The following RNLS variants were observed in gnomAD, a reference collection of about 807,000 sequenced individuals.
RNLS encodes the protein renalase, FAD dependent amine oxidase, also known as renalase.
A neutral mutation model predicts 39.8 loss-of-function variants in RNLS; 39 were observed. The observed-to-expected ratio is 0.98, with a 90% CI of 0.76 to 1.28. The LOEUF (loss-of-function observed/expected upper bound fraction) is 1.28, where lower values mean the gene tolerates loss of function less well. Among genes scored for constraint, RNLS ranks in the 50% most tolerant of loss-of-function variants. The pLI is 0.00. For synonymous variants in RNLS, 147 were observed against 150.7 expected (o/e 0.98, Z 0.18); for missense variants, 410 against 413.3 (o/e 0.99, Z 0.07).
In RNLS at chr10:88,389,327, T is replaced by C. The variant is rs564647040; in HGVS notation, c.527-26602A>G. The stretch of plus-strand genomic sequence containing the variant: ...CAGAACTGTGCTGGGTTTTTTTTTG[T>C]TATTGTTGTTTTCTTTTTTTGACAG... On this transcript the variant is annotated intron_variant, in intron 4 of 6. Coordinates refer to ENST00000331772, the MANE Select transcript of RNLS (RefSeq NM_001031709.3). Among the ~76,000 whole-genome samples the C allele has an allele frequency of 8.5e-5, 13 of 152,148 alleles. No individual in the cohort carries two copies. The South Asian group carries it at 2.5e-3, about 29-fold the overall frequency.
chr10:88,364,326 G>C (rs1198752187), intron 4 of RNLS, among the ~76,000 whole-genome samples: 1 of 152,112 alleles, frequency 6.6e-6, no homozygotes, highest in Non-Finnish European at 1.5e-5. Context: ...GGTAGAGAGA[G>C]GCAGGAAAGG....
intron 4 of RNLS, among the ~76,000 whole-genome samples, chr10:88,399,725 G>A (rs1852796459): frequency 6.6e-6 from 1 of 151,888 alleles, no homozygotes; most frequent in Non-Finnish European, 1.5e-5. Flanking sequence ...AATACATAAG[G>A]GTGATTTTTA....
chr10:88,306,646 G>A (rs965367462), intron 6 of RNLS, among the ~76,000 whole-genome samples: 1 of 152,114 alleles, frequency 6.6e-6, no homozygotes, highest in Non-Finnish European at 1.5e-5. Context: ...CGGATTTCCT[G>A]AACAGACCAA....
chr10:88,495,150 T>A (rs1329430525), intron 4 of RNLS, among the ~76,000 whole-genome samples: 1 of 152,166 alleles, frequency 6.6e-6, no homozygotes, highest in Non-Finnish European at 1.5e-5. Flanking sequence ...AACATCCCAC[T>A]CTTTTTTTAA....
rs577918665 is a variant in RNLS, at chr10:88,454,213, G to A, written c.527-91488C>T. Among the ~76,000 whole-genome samples the A allele has an allele frequency of 2.0e-5, 3 of 152,298 alleles. No individual in the cohort carries two copies. In the East Asian group the frequency reaches 5.8e-4, roughly 29 times the overall value. ...GGGTAGAAAGAAATTCAAGAAAGAT[G>A]TATTCAACAGAGTCAAATAACAAAT... On this transcript the variant is annotated intron_variant, in intron 4 of 6. Transcript: ENST00000331772.
At chr10:88,423,414 C>T (rs542438606) in intron 4 of RNLS, among the ~76,000 whole-genome samples, 2 of 152,284 alleles carry the variant, frequency 1.3e-5, no homozygotes, top group East Asian at 3.9e-4. Context: ...TCTTTAGAAA[C>T]TAATTTCATG....
At chr10:88,218,659 G>A in the RNLS span, among the ~76,000 whole-genome samples, 1 of 152,162 alleles carries the variant, frequency 6.6e-6, no homozygotes, top group African/African-American at 2.4e-5. Context: ...GATAACCAGT[G>A]TAGGCCCCAG....
chr10:88,416,768 T>A (rs1304623219), intron 4 of RNLS, among the ~76,000 whole-genome samples: 1 of 152,202 alleles, frequency 6.6e-6, no homozygotes, highest in Non-Finnish European at 1.5e-5. Flanking sequence ...GAAAACTGGA[T>A]TAAAAAGGAT....
chr10:88,326,071 TC>T, intron 5 of RNLS, among the ~76,000 whole-genome samples: 1 of 152,324 alleles, frequency 6.6e-6, no homozygotes, highest in South Asian at 2.1e-4. Flanking sequence ...AAACCTCTTT[TC>T]TTTATAAGTT....
At position 88,399,445 on chromosome 10, in the gene RNLS, A is replaced by G. The variant is rs576470019; in HGVS notation, c.527-36720T>C. On this transcript the variant is annotated intron_variant, in intron 4 of 6. Transcript: ENST00000331772. ...CGGTATATCCATACAATGGAATATTATGCAGTCAGAAGAAGCAATGAAGTA... is the reference window on the plus strand; with the variant it reads ...CGGTATATCCATACAATGGAATATTGTGCAGTCAGAAGAAGCAATGAAGTA... Among the ~76,000 whole-genome samples the G allele has an allele frequency of 8.1e-4, 123 of 152,184 alleles. 1 individual carries two copies. Among genetic ancestry groups the G allele is most frequent in the Middle Eastern group, 3.4e-3 (1 of 294 alleles).
chr10:88,424,150 C>T (rs987577659), intron 4 of RNLS, among the ~76,000 whole-genome samples: 7 of 152,202 alleles, frequency 4.6e-5, no homozygotes, highest in African/African-American at 1.7e-4. Context: ...TCCATCGGAA[C>T]TGAAGGTCCA....
intron 4 of RNLS, among the ~76,000 whole-genome samples, chr10:88,499,938 G>A (rs1477406351): frequency 6.6e-6 from 1 of 152,134 alleles, no homozygotes; most frequent in Non-Finnish European, 1.5e-5. Context: ...AATACTTTTT[G>A]CATATACTTA....
intron 6 of RNLS, among the ~76,000 whole-genome samples, chr10:88,314,108 T>C (rs956462463): frequency 1.3e-5 from 2 of 152,194 alleles, no homozygotes; most frequent in East Asian, 1.9e-4. Flanking sequence ...TGGGAAGTTA[T>C]AGTGGTTTCT....
intron 4 of RNLS, among the ~76,000 whole-genome samples, chr10:88,556,078 CT>C (rs1307402083): frequency 8.5e-5 from 13 of 152,204 alleles, no homozygotes; most frequent in Admixed American, 1.3e-4. Context: ...AATTTCTCTT[CT>C]TGATTCCCAG....
Position 88,324,158 on chromosome 10 carries a change from C to A in RNLS, c.701-9517G>T, listed in dbSNP as rs540957566. 8.6e-5 allele frequency among the ~76,000 whole-genome samples: 13 copies of A among 151,998 alleles called. No individual in the cohort carries two copies. The South Asian group carries it at 2.7e-3, about 32-fold the overall frequency. On this transcript the variant is annotated intron_variant, in intron 5 of 6. Coordinates refer to ENST00000331772, the MANE Select transcript of RNLS (RefSeq NM_001031709.3). ...GGAACGTAAATTAGTTTAACCCCTA[C>A]GGAAAACGGTATGGAGATTTCACAA...
chr10:88,554,813 C>T (rs1487399680), intron 4 of RNLS, among the ~76,000 whole-genome samples: 1 of 152,148 alleles, frequency 6.6e-6, no homozygotes, highest in African/African-American at 2.4e-5. Context: ...CCCCTTTCTA[C>T]TAGATTGTTT....
intron 4 of RNLS, among the ~76,000 whole-genome samples, chr10:88,499,283 A>T (rs1206648595): frequency 6.6e-6 from 1 of 152,050 alleles, no homozygotes; most frequent in Non-Finnish European, 1.5e-5. Context: ...GATTGTCTTG[A>T]TCTCTCAGGG....
chr10:88,560,482 A>T (rs1849110052), intron 4 of RNLS, among the ~76,000 whole-genome samples: 1 of 152,114 alleles, frequency 6.6e-6, no homozygotes, highest in African/African-American at 2.4e-5. Flanking sequence ...ATATAGGAAA[A>T]ATATTCAAAC....
chr10:88,243,495 A>C, the RNLS span, among the ~76,000 whole-genome samples: 1 of 152,110 alleles, frequency 6.6e-6, no homozygotes, highest in Non-Finnish European at 1.5e-5. Context: ...CCCTTTTTGC[A>C]TTTCCCCAAA....
Sources: allele counts gnomAD v4.1 joint callset (sites outside exome capture counted in the v4.1 genomes callset), GRCh38; gene constraint gnomAD v4.1.1; transcripts MANE v1.5; gene names NCBI Gene and HGNC (gene_info 2026-07-23, HGNC 2026-07-21).